The following GLRA3 variants were observed in gnomAD, a reference collection of about 807,000 sequenced individuals.
GLRA3 encodes glycine receptor alpha 3.
GLRA3 carries 44 observed loss-of-function variants against 60.4 expected under a neutral mutation model. That is an observed-to-expected ratio of 0.73 (90% CI 0.57 to 0.94). GLRA3 has a LOEUF of 0.94. Among genes scored for constraint, GLRA3 ranks in the 40% least tolerant of loss-of-function variants. GLRA3 has a pLI of 0.00. For missense variants in GLRA3, 508 were observed against 564.6 expected, an observed-to-expected ratio of 0.90 and a Z score of 1.02; for synonymous variants, 223 against 192.9, an observed-to-expected ratio of 1.16 and a Z score of -1.29.
intron 7 of GLRA3, among the ~76,000 whole-genome samples, chr4:174,660,005 C>G (rs1733375347): frequency 6.6e-6 from 1 of 150,628 alleles, no homozygotes; most frequent in Admixed American, 6.6e-5. Context: ...GGACTATCAG[C>G]TTCTTCAGTC....
At chr4:174,713,629 G>A (rs975921972) in intron 5 of GLRA3, 1 of 152,146 alleles carries the variant, frequency 6.6e-6, no homozygotes, top group Non-Finnish European at 1.5e-5. Flanking sequence ...TTGTTACACA[G>A]AACTCCTTCA....
At chr4:174,779,593 A>T (rs1738780084) in intron 2 of GLRA3, among the ~76,000 whole-genome samples, 2 of 152,178 alleles carry the variant, frequency 1.3e-5, no homozygotes, top group Admixed American at 6.5e-5. Flanking sequence ...TATAACTAGA[A>T]TAACCAATAC....
Position 174,659,267 on chromosome 4 carries a change from GT to G in GLRA3, c.928-71del, listed in dbSNP as rs1045808494. ...TTACTTCCTTTGAGAACAAAACTGA[GT>G]TTTTCTGATTCTGAATTATGTCATT... On this transcript the variant is annotated intron_variant, in intron 7 of 9. Transcript: ENST00000274093. 1.2e-5 allele frequency: 14 copies of G among 1,149,416 alleles called. No homozygotes were observed. In the African/African-American group the frequency reaches 1.7e-4, roughly 14 times the overall value. 71.2% of individuals were successfully genotyped at this position (1,149,416 alleles called of 1,614,324 possible). A position where few individuals can be genotyped will look rare whatever the true frequency, so the allele number is the denominator to read the frequency against.
chr4:174,739,406 C>T (rs1020969916), intron 3 of GLRA3, among the ~76,000 whole-genome samples: 1 of 148,426 alleles, frequency 6.7e-6, no homozygotes, highest in Non-Finnish European at 1.5e-5. Flanking sequence ...CTGGTAAATT[C>T]CTGAAAAATT....
At chr4:174,659,508 T>C (rs148551315) in intron 7 of GLRA3, among the ~76,000 whole-genome samples, 177 of 152,270 alleles carry the variant, frequency 1.2e-3, no homozygotes, top group African/African-American at 4.0e-3. Context: ...ATATAGATAA[T>C]GCTGTTGGCT....
chr4:174,712,156 A>G (rs1735740617), intron 5 of GLRA3, among the ~76,000 whole-genome samples: 1 of 152,110 alleles, frequency 6.6e-6, no homozygotes, highest in Non-Finnish European at 1.5e-5. Flanking sequence ...TTTCAATTAT[A>G]AGTCATAAAT....
At chr4:174,778,469 T>G (rs1738700560) in intron 2 of GLRA3, among the ~76,000 whole-genome samples, 1 of 151,886 alleles carries the variant, frequency 6.6e-6, no homozygotes, top group African/African-American at 2.4e-5. Context: ...ACAGGGGGGA[T>G]GAGCCAAGAT....
intron 9 of GLRA3, among the ~76,000 whole-genome samples, chr4:174,646,392 C>T (rs1420578449): frequency 1.3e-5 from 2 of 152,176 alleles, no homozygotes; most frequent in East Asian, 3.9e-4. Flanking sequence ...CCAGCCTGGG[C>T]TGTTACAGTA....
intron 4 of GLRA3, among the ~76,000 whole-genome samples, chr4:174,721,854 CAT>C (rs1277973133): frequency 2.0e-5 from 3 of 150,032 alleles, no homozygotes; most frequent in Non-Finnish European, 4.4e-5. Context: ...TGTGTGTATA[CAT>C]ATGTGTGTGT....
chr4:174,677,526 ATT>A (rs779270533), intron 6 of GLRA3, among the ~76,000 whole-genome samples: 1 of 146,408 alleles, frequency 6.8e-6, no homozygotes, highest in Non-Finnish European at 1.5e-5. Flanking sequence ...AGCCCGGCTA[ATT>A]TTTTTTTTTT....
intron 4 of GLRA3, 58 bp downstream of exon 4, chr4:174,728,417 A>G (rs548624980): frequency 1.0e-6 from 1 of 964,118 alleles, no homozygotes; most frequent in Non-Finnish European, 1.6e-6. Context: ...CAAACCAACC[A>G]ACAATACACC....
intron 2 of GLRA3, among the ~76,000 whole-genome samples, chr4:174,770,362 G>A (rs1040875884): frequency 3.3e-5 from 5 of 151,960 alleles, no homozygotes; most frequent in Non-Finnish European, 7.4e-5. Flanking sequence ...AAGAATGCTT[G>A]GAAACCACTA....
chr4:174,726,376 G>T (rs145358844), intron 4 of GLRA3, among the ~76,000 whole-genome samples: 1 of 152,186 alleles, frequency 6.6e-6, no homozygotes, highest in Admixed American at 6.5e-5. Context: ...GGTAAGACTG[G>T]AAGTCTGGGC....
chr4:174,773,441 C>T (rs1181964843), intron 2 of GLRA3, among the ~76,000 whole-genome samples: 2 of 149,154 alleles, frequency 1.3e-5, no homozygotes, highest in African/African-American at 4.9e-5. Flanking sequence ...AAAAATTGTT[C>T]ACTAGGCAGA....
intron 3 of GLRA3, among the ~76,000 whole-genome samples, chr4:174,738,242 A>C (rs904212863): frequency 3.9e-5 from 6 of 152,220 alleles, no homozygotes; most frequent in African/African-American, 1.4e-4. Flanking sequence ...CAACAAATAA[A>C]ATTTTAAAGT....
intron 9 of GLRA3, among the ~76,000 whole-genome samples, chr4:174,654,197 C>T (rs1279798946): frequency 6.6e-6 from 1 of 152,104 alleles, no homozygotes; most frequent in Admixed American, 6.6e-5. Context: ...TGGCTTTCAA[C>T]CGTGAATCCT....
chr4:174,784,665 C>T (rs1457134089), intron 2 of GLRA3, among the ~76,000 whole-genome samples: 1 of 152,082 alleles, frequency 6.6e-6, no homozygotes, highest in Non-Finnish European at 1.5e-5. Context: ...ATTTCTATTG[C>T]ATGATCAACT....
chr4:174,684,939 G>C (rs528905529), intron 5 of GLRA3, among the ~76,000 whole-genome samples: 1 of 152,246 alleles, frequency 6.6e-6, no homozygotes, highest in South Asian at 2.1e-4. Context: ...AACCTGGGAG[G>C]CGGAGGTTGT....
At chr4:174,779,149 G>A (rs1738754542) in intron 2 of GLRA3, among the ~76,000 whole-genome samples, 2 of 152,076 alleles carry the variant, frequency 1.3e-5, no homozygotes, top group Admixed American at 6.5e-5. Context: ...GCTTCCTCAA[G>A]TGGGTCCCTG....
Sources: gnomAD v4.1 joint callset for allele counts (sites outside exome capture counted in the v4.1 genomes callset) on GRCh38, gnomAD v4.1.1 for gene constraint, MANE v1.5 for transcripts, NCBI Gene and HGNC (gene_info 2026-07-23, HGNC 2026-07-21) for gene names.